Variants in GALNTL6 observed in about 807,000 individuals in gnomAD.
GALNTL6 encodes polypeptide N-acetylgalactosaminyltransferase-like 6.
GALNTL6 carries 46 observed loss-of-function variants against 73.7 expected under a neutral mutation model. The ratio of observed to expected loss-of-function variants is 0.62; its 90% CI spans 0.49 to 0.80. GALNTL6 has a LOEUF of 0.80. GALNTL6 is among the 30% of genes least tolerant of loss of function. The pLI is 0.00. For synonymous variants in GALNTL6, 259 were observed against 263.7 expected, an observed-to-expected ratio of 0.98 and a Z score of 0.17; for missense variants, 604 against 755.0, an observed-to-expected ratio of 0.80 and a Z score of 2.34.
chr4:172,301,369 G>A (rs1459557865), intron 3 of GALNTL6, among the ~76,000 whole-genome samples: 6 of 152,246 alleles, frequency 3.9e-5, no homozygotes, highest in East Asian at 3.9e-4. Flanking sequence ...CTCTCAACTC[G>A]TCAAAGTCAT....
intron 2 of GALNTL6, among the ~76,000 whole-genome samples, chr4:171,933,736 T>C (rs1391214561): frequency 6.6e-6 from 1 of 152,108 alleles, no homozygotes; most frequent in African/African-American, 2.4e-5. Flanking sequence ...CTTGTTATAA[T>C]ATTGGTTCAG....
chr4:172,807,761 G>A (rs1467903603), intron 5 of GALNTL6, among the ~76,000 whole-genome samples: 1 of 152,112 alleles, frequency 6.6e-6, no homozygotes, highest in Non-Finnish European at 1.5e-5. Flanking sequence ...CAAAATAGAG[G>A]GGAACATATT....
Position 172,274,450 on chromosome 4 carries a change from G to A in GALNTL6, c.248-37164G>A, listed in dbSNP as rs994015525. ...GCAAACATATAGAATCAGACAATCC[G>A]TAGAGCATCGGTTTGACTTCAAAGT... On this transcript the variant is annotated intron_variant, in intron 3 of 12. Coordinates refer to ENST00000506823, the MANE Select transcript of GALNTL6 (RefSeq NM_001034845.3). Among the ~76,000 whole-genome samples the A allele has an allele frequency of 5.3e-5, 8 of 152,252 alleles. No homozygotes were observed. In the East Asian group the frequency reaches 5.8e-4, roughly 11 times the overall value.
intron 2 of GALNTL6, among the ~76,000 whole-genome samples, chr4:172,087,296 T>G (rs1426521128): frequency 6.6e-6 from 1 of 151,472 alleles, no homozygotes; most frequent in African/African-American, 2.4e-5. Context: ...TATAAAAAAA[T>G]TAGCCGGGCG....
chr4:172,867,146 G>A (rs1004073432), intron 7 of GALNTL6, among the ~76,000 whole-genome samples: 2 of 152,166 alleles, frequency 1.3e-5, no homozygotes, highest in African/African-American at 4.8e-5. Context: ...TGCCCAAAGG[G>A]AGACCCTCCT....
At chr4:172,080,679 G>A (rs1000985447) in intron 2 of GALNTL6, among the ~76,000 whole-genome samples, 2 of 151,360 alleles carry the variant, frequency 1.3e-5, no homozygotes, top group African/African-American at 2.4e-5. Flanking sequence ...CAATGCATAG[G>A]TCATACAGTT....
chr4:172,679,610 T>G (rs1052136090), intron 5 of GALNTL6, among the ~76,000 whole-genome samples: 1 of 152,202 alleles, frequency 6.6e-6, no homozygotes, highest in African/African-American at 2.4e-5. Flanking sequence ...CTGTCTTAGA[T>G]GCTGACTTGT....
At chr4:173,004,994 A>G (rs1752209674) in intron 10 of GALNTL6, among the ~76,000 whole-genome samples, 1 of 152,170 alleles carries the variant, frequency 6.6e-6, no homozygotes, top group African/African-American at 2.4e-5. Context: ...TCCCTCTCTA[A>G]CAGCCAGTTG....
chr4:172,391,131 C>G (rs1743651461), intron 5 of GALNTL6, among the ~76,000 whole-genome samples: 1 of 152,176 alleles, frequency 6.6e-6, no homozygotes, highest in African/African-American at 2.4e-5. Flanking sequence ...TCCATGTGTG[C>G]TGCTATAACA....
intron 5 of GALNTL6, among the ~76,000 whole-genome samples, chr4:172,461,241 G>A (rs578169771): frequency 1.3e-5 from 2 of 152,258 alleles, no homozygotes; most frequent in East Asian, 1.9e-4. Context: ...GGGAGGGATA[G>A]CATTAGTAGA....
At chr4:172,634,211 C>T (rs1739542398) in intron 5 of GALNTL6, among the ~76,000 whole-genome samples, 1 of 152,166 alleles carries the variant, frequency 6.6e-6, no homozygotes, top group Non-Finnish European at 1.5e-5. Context: ...TTATGCTTCT[C>T]ATCTGGAGTG....
chr4:172,333,410 G>GA (rs1201815544), intron 4 of GALNTL6, among the ~76,000 whole-genome samples: 2 of 151,766 alleles, frequency 1.3e-5, no homozygotes, highest in East Asian at 3.9e-4. Context: ...CATCTCAAAA[G>GA]AAAAAAATAA....
chr4:172,039,277 G>A lies in GALNTL6; in HGVS notation c.139-190379G>A, dbSNP rs184629483. Among the ~76,000 whole-genome samples the A allele has an allele frequency of 5.3e-5, 8 of 152,218 alleles. No homozygotes were observed. The East Asian group carries it at 1.4e-3, about 26-fold the overall frequency. On this transcript the variant is annotated intron_variant, in intron 2 of 12. Coordinates refer to ENST00000506823, the MANE Select transcript of GALNTL6 (RefSeq NM_001034845.3). ...ATGTAACCCAAAAAAAATTTTCAAT[G>A]TGGTATATTTTACATTTTCAGACTT...
intron 2 of GALNTL6, among the ~76,000 whole-genome samples, chr4:172,145,649 C>T (rs1038379460): frequency 2.6e-5 from 4 of 152,108 alleles, no homozygotes; most frequent in Non-Finnish European, 5.9e-5. Context: ...AAAATAAAAA[C>T]ATTTTTATTA....
intron 5 of GALNTL6, among the ~76,000 whole-genome samples, chr4:172,469,058 C>A (rs898351185): frequency 3.3e-5 from 5 of 152,200 alleles, no homozygotes; most frequent in African/African-American, 1.2e-4. Context: ...GACTCTTCAC[C>A]CATGACCCTC....
chr4:172,057,729 TATATATATATATA>T (rs1560904265), intron 2 of GALNTL6, among the ~76,000 whole-genome samples: 2 of 72,338 alleles, frequency 2.8e-5, no homozygotes, highest in Non-Finnish European at 2.6e-5. Context: ...AAAAAAAAAA[TATATATATATATA>T]TATATATATA....
Position 172,988,208 on chromosome 4 carries a change from G to T in GALNTL6, c.1372-20970G>T, listed in dbSNP as rs1284842463. Among the ~76,000 whole-genome samples, 3 of 152,208 alleles carry T rather than the reference G, an allele frequency of 2.0e-5. No individual in the cohort carries two copies. In the East Asian group the frequency reaches 5.8e-4, roughly 29 times the overall value. On this transcript the variant is annotated intron_variant, in intron 10 of 12. Transcript: ENST00000506823. ...TATGGACAATGAAGTCCAGGCTGAGGTGGTCTCAGATGGAGATGAGGAACT... is the reference window on the plus strand; with the variant it reads ...TATGGACAATGAAGTCCAGGCTGAGTTGGTCTCAGATGGAGATGAGGAACT...
At chr4:172,369,777 C>T (rs1463262945) in intron 5 of GALNTL6, among the ~76,000 whole-genome samples, 128 of 152,280 alleles carry the variant, frequency 8.4e-4, no homozygotes, top group Admixed American at 2.6e-4. Context: ...CAGATCCCAC[C>T]GAGCCTGCGC....
chr4:171,991,914 T>C lies in GALNTL6; in HGVS notation c.138+177196T>C, dbSNP rs959249431. ...AATAAGTAACTGTGTAATTGTCAAA[T>C]AAAAAAATCCATAAAATGAACATTA... On this transcript the variant is annotated intron_variant, in intron 2 of 12. Transcript: ENST00000506823. Among the ~76,000 whole-genome samples the C allele has an allele frequency of 3.3e-5, 5 of 151,690 alleles. No individual in the cohort carries two copies. In the East Asian group the frequency reaches 9.6e-4, roughly 29 times the overall value.
Sources: allele counts gnomAD v4.1 joint callset (sites outside exome capture counted in the v4.1 genomes callset), GRCh38; gene constraint gnomAD v4.1.1; transcripts MANE v1.5; gene names NCBI Gene and HGNC (gene_info 2026-07-23, HGNC 2026-07-21).